CDCP2: variants seen among roughly 807,000 people sequenced by gnomAD.
CDCP2 encodes the protein CUB domain-containing protein 2.
CDCP2 carries 31 observed loss-of-function variants against 31.0 expected under a neutral mutation model. That is an observed-to-expected ratio of 1.00 (90% CI 0.75 to 1.35). The LOEUF is 1.35. CDCP2 is among the 40% of genes most tolerant of loss of function. The pLI, the probability that CDCP2 is intolerant of heterozygous loss-of-function variation, is 0.00. For synonymous variants in CDCP2, 206 were observed against 207.9 expected, an observed-to-expected ratio of 0.99 and a Z score of 0.08; for missense variants, 443 against 482.6, an observed-to-expected ratio of 0.92 and a Z score of 0.77.
At chr1:54,150,762 C>T (rs1659569261) in intron 1 of CDCP2, among the ~76,000 whole-genome samples, 1 of 152,188 alleles carries the variant, frequency 6.6e-6, no homozygotes, top group Admixed American at 6.5e-5. Context: ...GGTTACAGAG[C>T]CAATGTATTC....
At chr1:54,144,840 G>C in intron 1 of CDCP2, 27 bp from the exon 2 acceptor site, 1 of 1,565,790 alleles carries the variant, frequency 6.4e-7, no homozygotes, top group Non-Finnish European at 8.7e-7. Flanking sequence ...GTATGGCTGA[G>C]ACTCCGTGCT....
rs1659316033 is a variant in CDCP2 at position 54,139,495 on chromosome 1, T to A, written c.1117+258A>T. 3 of 1,580,852 alleles carry A rather than the reference T, an allele frequency of 1.9e-6. No individual in the cohort carries two copies. In the African/African-American group the frequency reaches 4.1e-5, roughly 21 times the overall value. On this transcript the variant is annotated intron_variant, in intron 4 of 5. Transcript: ENST00000530059. ...AGGGGCCCAGGGGGAAGGAACCAGA[T>A]GGGGAGGGGTGAGGACTCACGAAGT...
intron 3 of CDCP2, chr1:54,140,434 A>G (rs1357162185): frequency 2.7e-5 from 11 of 402,124 alleles, no homozygotes; most frequent in Non-Finnish European, 4.6e-5. Context: ...CCCTGGCTTG[A>G]CAGATGATGT....
chr1:54,138,417 C>T (rs1378488937), intron 4 of CDCP2: 2 of 152,298 alleles, frequency 1.3e-5, no homozygotes, highest in Admixed American at 1.3e-4. Flanking sequence ...CTGGCCTGCC[C>T]AAGTTCACGG....
chr1:54,148,658 T>C (rs1284489260), intron 1 of CDCP2, among the ~76,000 whole-genome samples: 1 of 151,506 alleles, frequency 6.6e-6, no homozygotes, highest in African/African-American at 2.4e-5. Flanking sequence ...GTCCAGAATG[T>C]GGGAAGTTCT....
intron 1 of CDCP2, among the ~76,000 whole-genome samples, chr1:54,148,993 TATA>T (rs1391399255): frequency 6.8e-6 from 1 of 147,188 alleles, no homozygotes; most frequent in African/African-American, 2.5e-5. Context: ...ATATATAATA[TATA>T]ATATATTTAT....
At chr1:54,132,728 G>A (rs1659186712), downstream of CDCP2, 2 of 380,134 alleles carry the variant, frequency 5.3e-6, no homozygotes, top group Admixed American at 9.0e-5. Context: ...AACAGCAATT[G>A]CATATACATA....
At chr1:54,136,563 A>T in intron 5 of CDCP2, 67 bp downstream of exon 5, 1 of 399,122 alleles carries the variant, frequency 2.5e-6, no homozygotes, top group Non-Finnish European at 4.4e-6. Flanking sequence ...AATTTTCAGG[A>T]ATGTGAGATG....
rs927069808 is a variant in CDCP2, at chr1:54,146,645, G to A, written c.80-1832C>T. On this transcript the variant is annotated intron_variant, in intron 1 of 5. Transcript: ENST00000530059. Reference sequence around the variant, plus strand: ...TAGCATTTTACACCTCTAGGCTTTCGATTAGGATTCTTATGTTCAACTAAG... The same window carrying A: ...TAGCATTTTACACCTCTAGGCTTTCAATTAGGATTCTTATGTTCAACTAAG... Among the ~76,000 whole-genome samples the A allele has an allele frequency of 9.9e-5, 15 of 151,832 alleles. No homozygotes were observed. In the East Asian group the frequency reaches 1.5e-3, roughly 16 times the overall value.
At chr1:54,139,852 G>C (rs201014603) in exon 4 of CDCP2, 1 of 1,613,982 alleles carries the variant, frequency 6.2e-7, no homozygotes, top group African/African-American at 1.3e-5. Context: ...GGTGGTGGCA[G>C]GTGGTGTCCA....
chr1:54,144,165 T>G, intron 2 of CDCP2: 1 of 275,486 alleles, frequency 3.6e-6, no homozygotes, highest in Non-Finnish European at 6.8e-6. Context: ...GCCATGAAGG[T>G]GGGAACCCCA....
At chr1:54,150,252 G>C (rs1425638920) in intron 1 of CDCP2, among the ~76,000 whole-genome samples, 1 of 152,172 alleles carries the variant, frequency 6.6e-6, no homozygotes, top group Non-Finnish European at 1.5e-5. Context: ...GGTGGAACAA[G>C]GTCCATACAT....
At chr1:54,149,326 T>A (rs1659535918) in intron 1 of CDCP2, among the ~76,000 whole-genome samples, 2 of 151,948 alleles carry the variant, frequency 1.3e-5, no homozygotes, top group Admixed American at 6.5e-5. Context: ...AGACACATTC[T>A]GACATATTTA....
Position 54,141,095 on chromosome 1 carries a change from T to C in CDCP2, c.763+3A>G. 6.6e-7 allele frequency: 1 copy of C among 1,519,452 alleles called. No homozygotes were observed. The highest frequency in any genetic ancestry group is 8.8e-7 in the Non-Finnish European group (1 of 1,135,094). The allele number at this position is 1,519,452 out of a possible 1,614,324, so 94.1% of individuals were successfully genotyped here. A position where few individuals can be genotyped will look rare whatever the true frequency, so the allele number is the denominator to read the frequency against. On this transcript the variant is annotated splice_donor_region_variant and intron_variant, in intron 3 of 5. Transcript: ENST00000530059. ...TTCAGGGTGGAGCGCCAGCCCCTCC[T>C]ACCTGAGAAGTAGTAGGCCTTGAAG...
At chr1:54,147,369 G>A (rs1659493030) in intron 1 of CDCP2, among the ~76,000 whole-genome samples, 1 of 151,574 alleles carries the variant, frequency 6.6e-6, no homozygotes, top group African/African-American at 2.4e-5. Flanking sequence ...CTGTATTTCT[G>A]GACAACTAAA....
intron 3 of CDCP2, 71 bp downstream of exon 3, chr1:54,141,027 G>A: frequency 3.0e-6 from 4 of 1,312,646 alleles, no homozygotes; most frequent in Non-Finnish European, 4.2e-6. Flanking sequence ...TGTGACCCCT[G>A]CAAGTGTAAT....
At chr1:54,139,931 G>T in exon 4 of CDCP2, 1 of 1,614,224 alleles carries the variant, frequency 6.2e-7, no homozygotes, top group East Asian at 2.2e-5. Context: ...CAAAGTCACA[G>T]GTCTTGGTCA....
rs946478355 is a variant in CDCP2, at chr1:54,136,631, T to A, written c.1295A>T (p.Gln432Leu). The stretch of plus-strand genomic sequence containing the variant: ...ACTGCCCCTTCCCCCAGCCCCTACC[T>A]GAGACTCAGTGCCGCAGGTATCAAA... The change falls in exon 5 of 6, where the codon CAG (glutamine) becomes CTG (leucine). Residue 432 changes from glutamine (Q) to leucine (L), a missense_variant and splice_region_variant. Gln to Leu is a moderately radical substitution (Grantham distance 113). Transcript: ENST00000530059. 2.0e-5 allele frequency: 8 copies of A among 399,148 alleles called. No homozygotes were observed. In the South Asian group the frequency reaches 5.1e-4, roughly 25 times the overall value. 24.7% of individuals were successfully genotyped at this position (399,148 alleles called of 1,614,324 possible).
exon 3 of CDCP2, chr1:54,141,319 G>A: frequency 6.2e-7 from 1 of 1,614,204 alleles, no homozygotes; most frequent in Non-Finnish European, 8.5e-7. Flanking sequence ...CTTGACGTGG[G>A]CAGGGCCAGC....
Sources: allele counts gnomAD v4.1 joint callset (sites outside exome capture counted in the v4.1 genomes callset), GRCh38; gene constraint gnomAD v4.1.1; transcripts MANE v1.5; gene names NCBI Gene and HGNC (gene_info 2026-07-23, HGNC 2026-07-21).